Variants in USH2A observed in about 807,000 individuals in gnomAD.
USH2A encodes the protein usherin.
Under a neutral mutation model 538.9 loss-of-function variants are expected in USH2A, and 443 were observed. The observed-to-expected ratio is 0.82, with a 90% confidence interval of 0.76 to 0.89. USH2A has a LOEUF of 0.89. USH2A is among the 40% of genes least tolerant of loss of function. USH2A has a pLI of 0.00. For missense variants in USH2A, 6,633 were observed against 6,324.8 expected (o/e 1.05, Z -1.65); for synonymous variants, 2,413 against 2,273.5 (o/e 1.06, Z -1.75).
intron 60 of USH2A, among the ~76,000 whole-genome samples, chr1:215,729,395 C>T (rs1659926307): frequency 6.6e-6 from 1 of 152,150 alleles, no homozygotes; most frequent in South Asian, 2.1e-4. Flanking sequence ...AAAGTATGGA[C>T]AATCTTTTCT....
In USH2A at chr1:215,813,731, C is replaced by T. The variant is rs1558110151; in HGVS notation, c.9739+5G>A. ...TTTTTGAGTACACCTGGAAATAACC[C>T]TCACCTGGTAGAATTCTAGCGTAAT... On this transcript the variant is annotated splice_donor_5th_base_variant and intron_variant, in intron 49 of 71. Coordinates refer to ENST00000307340, the MANE Select transcript of USH2A (RefSeq NM_206933.4). The T allele has an allele frequency of 6.2e-7, 1 of 1,613,702 alleles. No homozygotes were observed. The highest frequency in any genetic ancestry group is 8.5e-7 in the Non-Finnish European group (1 of 1,179,770).
At chr1:215,712,227 T>A (rs1659356391) in intron 61 of USH2A, among the ~76,000 whole-genome samples, 1 of 152,214 alleles carries the variant, frequency 6.6e-6, no homozygotes, top group South Asian at 2.1e-4. Context: ...AAGCTACTTT[T>A]AGGTACACAT....
At chr1:215,748,972 A>G (rs911938114) in intron 58 of USH2A, among the ~76,000 whole-genome samples, 1 of 152,242 alleles carries the variant, frequency 6.6e-6, no homozygotes, top group East Asian at 1.9e-4. Context: ...TTTTGAATCC[A>G]TCTTTCATAT....
intron 4 of USH2A, among the ~76,000 whole-genome samples, chr1:216,331,444 T>C (rs1363692982): frequency 6.6e-6 from 1 of 152,118 alleles, no homozygotes; most frequent in African/African-American, 2.4e-5. Context: ...GCATTACAAC[T>C]GGGTGGCACA....
rs544854883 is a variant in USH2A, at chr1:215,630,623, C to T, written c.15298-1588G>A. ...ATCCCAGCAATTTGGGAGGCCAAGA[C>T]GGGTGGATCATTTGAGGTCAGGAGT... On this transcript the variant is annotated intron_variant, in intron 70 of 71. Coordinates refer to ENST00000307340, the MANE Select transcript of USH2A (RefSeq NM_206933.4). Among the ~76,000 whole-genome samples, 13 of 149,768 alleles carry T rather than the reference C, an allele frequency of 8.7e-5. No individual in the cohort carries two copies. In the East Asian group the frequency reaches 1.4e-3, roughly 16 times the overall value.
At position 216,289,344 on chromosome 1, in the gene USH2A, T is replaced by C; in HGVS notation, c.1907A>G (p.Asp636Gly). Residue 636 changes from aspartate (D) to glycine (G), a missense_variant, in exon 11 of 72, where the codon GAT becomes GGT. Transcript: ENST00000307340. ...ATCACAGTCACAGGGTTTGCAAACATCTATGGCCGAAGGATCTGCACCAAC... is the reference window on the plus strand; with the variant it reads ...ATCACAGTCACAGGGTTTGCAAACACCTATGGCCGAAGGATCTGCACCAAC... ...RQVGADPSAIDVCKPCDCDTV... is the reference protein window; with the variant it reads ...RQVGADPSAIGVCKPCDCDTV... 6.2e-7 allele frequency: 1 copy of C among 1,613,976 alleles called. No homozygotes were observed.
chr1:215,863,234 T>C (rs1429225845), intron 44 of USH2A, among the ~76,000 whole-genome samples: 3 of 152,084 alleles, frequency 2.0e-5, no homozygotes, highest in South Asian at 4.2e-4. Context: ...CCATGTAGAG[T>C]ACAAGTGAAG....
intron 61 of USH2A, among the ~76,000 whole-genome samples, chr1:215,693,097 T>TGTGTGA (rs1486669607): frequency 9.5e-6 from 1 of 105,730 alleles, no homozygotes; most frequent in Non-Finnish European, 2.1e-5. Context: ...TATATATGTG[T>TGTGTGA]GTGTGTGTGT....
At chr1:215,964,518 T>C (rs1476839017) in intron 37 of USH2A, among the ~76,000 whole-genome samples, 1 of 152,164 alleles carries the variant, frequency 6.6e-6, no homozygotes, top group African/African-American at 2.4e-5. Flanking sequence ...AGAAACGTTT[T>C]CAAGCCTAAG....
rs1553257705 is a variant in USH2A, at chr1:215,743,290, TTGAG to T, written c.11431_11434del (p.Leu3811MetfsTer5). The T allele has an allele frequency of 1.9e-6, 3 of 1,609,550 alleles. No individual in the cohort carries two copies. In the Admixed American group the frequency reaches 5.1e-5, roughly 27 times the overall value. On this transcript the variant is annotated frameshift_variant, in exon 59 of 72. Coordinates refer to ENST00000307340, the MANE Select transcript of USH2A (RefSeq NM_206933.4). LOFTEE classifies it high-confidence loss of function. ...GGCCAGAGGTGTTACACTTCCATCATTGAGTAAGACATTGTACTCCACAGGAATT... is the reference window on the plus strand; with the variant it reads ...GGCCAGAGGTGTTACACTTCCATCATTAAGACATTGTACTCCACAGGAATT...
chr1:216,126,189 C>T (rs2033249581), intron 21 of USH2A, among the ~76,000 whole-genome samples: 1 of 151,078 alleles, frequency 6.6e-6, no homozygotes, highest in South Asian at 2.1e-4. Flanking sequence ...TTCTTCCTGG[C>T]AATTAACAGC....
At chr1:216,105,493 AG>A (rs769931240) in intron 21 of USH2A, among the ~76,000 whole-genome samples, 13 of 152,118 alleles carry the variant, frequency 8.5e-5, no homozygotes, top group Non-Finnish European at 1.6e-4. Context: ...TTAATTTGCC[AG>A]TACAAATACT....
chr1:216,006,528 C>A (rs1224641162), intron 32 of USH2A, among the ~76,000 whole-genome samples: 1 of 152,202 alleles, frequency 6.6e-6, no homozygotes, highest in Admixed American at 6.5e-5. Context: ...TAATACTTCT[C>A]ATATCTCTAA....
At chr1:215,941,443 T>C (rs1200784944) in intron 37 of USH2A, among the ~76,000 whole-genome samples, 1 of 152,088 alleles carries the variant, frequency 6.6e-6, no homozygotes, top group African/African-American at 2.4e-5. Context: ...TTTTTTCCAC[T>C]TTGACTTATT....
At chr1:215,942,382 T>C (rs1184725024) in intron 37 of USH2A, among the ~76,000 whole-genome samples, 1 of 152,128 alleles carries the variant, frequency 6.6e-6, no homozygotes, top group African/African-American at 2.4e-5. Flanking sequence ...GTCACAGGTT[T>C]TGAAGACACC....
At chr1:216,029,735 TGTACAA>T (rs1669047209) in intron 32 of USH2A, among the ~76,000 whole-genome samples, 5 of 151,906 alleles carry the variant, frequency 3.3e-5, no homozygotes, top group Admixed American at 3.3e-4. Context: ...ATATTGAATA[TGTACAA>T]ATGAATAAGA....
chr1:215,842,364 T>G (rs562498249), intron 46 of USH2A, among the ~76,000 whole-genome samples: 3 of 152,170 alleles, frequency 2.0e-5, no homozygotes, highest in South Asian at 4.1e-4. Flanking sequence ...TTGGTGGGAA[T>G]GTAAATTAGT....
intron 21 of USH2A, among the ~76,000 whole-genome samples, chr1:216,109,866 T>C (rs887128855): frequency 6.6e-6 from 1 of 152,216 alleles, no homozygotes; most frequent in Non-Finnish European, 1.5e-5. Context: ...TTTAATGCTA[T>C]TTCATGTTTT....
rs756314581 is a variant in USH2A, at chr1:215,782,891, C to G, written c.10432G>C (p.Ala3478Pro). 2 of 1,613,594 alleles carry G rather than the reference C, an allele frequency of 1.2e-6. No homozygotes were observed. Residue 3478 changes from alanine to proline, a missense_variant, in exon 53 of 72, where the codon GCC (alanine) becomes CCC (proline). Physicochemically the swap from Ala to Pro is conservative, Grantham distance 27. Transcript: ENST00000307340. ...PYMTYEYRISAWNSYGRGLSK... is the reference protein window; with the variant it reads ...PYMTYEYRISPWNSYGRGLSK... ...AGTCCTCGCCCATAGCTGTTCCAGG[C>G]AGAAATCCTGTACTCATATGTCATG...
Sources: gnomAD v4.1 joint callset for allele counts (sites outside exome capture counted in the v4.1 genomes callset) on GRCh38, gnomAD v4.1.1 for gene constraint, MANE v1.5 for transcripts, NCBI Gene and HGNC (gene_info 2026-07-23, HGNC 2026-07-21) for gene names.